Variants in RBFOX1 observed in about 807,000 individuals in gnomAD.
RBFOX1 encodes RNA binding protein fox-1 homolog 1.
Under a neutral mutation model 57.7 loss-of-function variants are expected in RBFOX1, and 8 were observed. The observed-to-expected ratio is 0.14, with a 90% confidence interval of 0.08 to 0.25. The LOEUF is 0.25. Ranked by LOEUF, RBFOX1 falls within the 10% of genes least tolerant of loss-of-function variation. The pLI, the probability that RBFOX1 is intolerant of heterozygous loss-of-function variation, is 1.00. For synonymous variants in RBFOX1, 326 were observed against 222.4 expected (o/e 1.47, Z -4.15); for missense variants, 611 against 548.5 (o/e 1.11, Z -1.14).
At chr16:5,292,702 C>G (rs1298137529) in intron 1 of RBFOX1, among the ~76,000 whole-genome samples, 1 of 152,068 alleles carries the variant, frequency 6.6e-6, no homozygotes, top group Non-Finnish European at 1.5e-5. Flanking sequence ...CGGCTCACTG[C>G]AACCTCTGCC....
intron 2 of RBFOX1, among the ~76,000 whole-genome samples, chr16:6,579,017 A>T (rs1192463861): frequency 6.6e-6 from 1 of 152,010 alleles, no homozygotes; most frequent in Non-Finnish European, 1.5e-5. Context: ...ACCAAACACC[A>T]CCTGTTTTCC....
intron 3 of RBFOX1, among the ~76,000 whole-genome samples, chr16:7,049,227 C>T (rs1432494552): frequency 6.6e-6 from 1 of 152,104 alleles, no homozygotes; most frequent in South Asian, 2.1e-4. Context: ...TTTTTCTGTT[C>T]ACCTGCTTCT....
chr16:6,165,750 G>T (rs1230214506), intron 1 of RBFOX1, among the ~76,000 whole-genome samples: 1 of 152,306 alleles, frequency 6.6e-6, no homozygotes, highest in South Asian at 2.1e-4. Context: ...CCTCATTTTT[G>T]TTCAGCTCCT....
At chr16:6,112,353 C>T (rs1030902839) in intron 1 of RBFOX1, among the ~76,000 whole-genome samples, 1 of 152,100 alleles carries the variant, frequency 6.6e-6, no homozygotes, top group Non-Finnish European at 1.5e-5. Flanking sequence ...CAAAGTTTAC[C>T]TTGACATGTT....
chr16:7,055,982 C>G (rs553064142), intron 4 of RBFOX1, among the ~76,000 whole-genome samples: 21 of 152,182 alleles, frequency 1.4e-4, no homozygotes, highest in Non-Finnish European at 3.1e-4. Context: ...GTCACATCTT[C>G]CATCCTAACC....
intron 2 of RBFOX1, among the ~76,000 whole-genome samples, chr16:6,380,606 G>C (rs2091712514): frequency 6.6e-6 from 1 of 151,758 alleles, no homozygotes; most frequent in African/African-American, 2.4e-5. Context: ...GAAATAAAGA[G>C]CATACTTAGG....
intron 2 of RBFOX1, among the ~76,000 whole-genome samples, chr16:6,542,785 C>G (rs1033167075): frequency 6.6e-6 from 1 of 152,048 alleles, no homozygotes; most frequent in Non-Finnish European, 1.5e-5. Context: ...AACCACTGCG[C>G]CCGGCCGGGA....
intron 3 of RBFOX1, among the ~76,000 whole-genome samples, chr16:6,933,029 A>G (rs1567951012): frequency 6.6e-6 from 1 of 152,234 alleles, no homozygotes; most frequent in African/African-American, 2.4e-5. Flanking sequence ...TTCACTTAGC[A>G]TAATATCCTT....
chr16:5,524,954 A>C (rs570704473), intron 2 of RBFOX1, among the ~76,000 whole-genome samples: 2 of 152,088 alleles, frequency 1.3e-5, no homozygotes, highest in Non-Finnish European at 2.9e-5. Context: ...CACTGGGTGC[A>C]TTTCTAATAA....
intron 14 of RBFOX1, among the ~76,000 whole-genome samples, chr16:7,692,567 A>G (rs935056707): frequency 5.3e-5 from 8 of 152,262 alleles, no homozygotes; most frequent in Admixed American, 3.9e-4. Context: ...AGCCAACCTC[A>G]TTGTGCCATT....
intron 3 of RBFOX1, among the ~76,000 whole-genome samples, chr16:6,801,673 C>A (rs1349865284): frequency 6.6e-6 from 1 of 152,002 alleles, no homozygotes; most frequent in Non-Finnish European, 1.5e-5. Flanking sequence ...CTGAGGGTCA[C>A]ACTGCTATTT....
At chr16:5,507,545 G>A (rs946236032) in intron 2 of RBFOX1, among the ~76,000 whole-genome samples, 10 of 152,150 alleles carry the variant, frequency 6.6e-5, no homozygotes, top group African/African-American at 2.4e-4. Context: ...ATCTGTTGTG[G>A]GTTGAATTGT....
intron 3 of RBFOX1, among the ~76,000 whole-genome samples, chr16:5,802,572 A>C (rs2055095855): frequency 6.6e-6 from 1 of 152,102 alleles, no homozygotes; most frequent in South Asian, 2.1e-4. Flanking sequence ...ACGGGGAGAA[A>C]GTTTTCAGAT....
intron 3 of RBFOX1, among the ~76,000 whole-genome samples, chr16:5,642,346 C>G (rs189646751): frequency 4.6e-5 from 7 of 152,154 alleles, no homozygotes; most frequent in East Asian, 1.9e-4. Flanking sequence ...GCAATCCATG[C>G]GAGATCAAAA....
chr16:6,983,743 G>A (rs2089561755), intron 3 of RBFOX1: 1 of 152,512 alleles, frequency 6.6e-6, no homozygotes, highest in African/African-American at 2.4e-5. Flanking sequence ...TCAGAAGTAT[G>A]TGTGCTGTGA....
At chr16:5,895,876 C>G (rs777179692) in intron 4 of RBFOX1, among the ~76,000 whole-genome samples, 3 of 152,056 alleles carry the variant, frequency 2.0e-5, no homozygotes, top group Non-Finnish European at 4.4e-5. Flanking sequence ...AGGCCAATCA[C>G]AAAATATTAT....
chr16:7,304,244 G>C (rs1038967823), intron 4 of RBFOX1: 3 of 980,322 alleles, frequency 3.1e-6, no homozygotes, highest in Non-Finnish European at 3.6e-6. Context: ...GAGAGAGAGA[G>C]AGACAGCGCG....
intron 3 of RBFOX1, among the ~76,000 whole-genome samples, chr16:7,045,998 A>G (rs2047803024): frequency 6.6e-6 from 1 of 152,124 alleles, no homozygotes; most frequent in South Asian, 2.1e-4. Context: ...CAATGCTATC[A>G]CTATTACTAT....
chr16:5,657,616 CTTT>C (rs2049472634), intron 3 of RBFOX1, among the ~76,000 whole-genome samples: 1 of 41,648 alleles, frequency 2.4e-5, no homozygotes, highest in African/African-American at 9.8e-5. Flanking sequence ...CGCTTTCTTT[CTTT>C]CTCTCTTTCT....
Sources: gnomAD v4.1 joint callset for allele counts (sites outside exome capture counted in the v4.1 genomes callset) on GRCh38, gnomAD v4.1.1 for gene constraint, MANE v1.5 for transcripts, NCBI Gene and HGNC (gene_info 2026-07-23, HGNC 2026-07-21) for gene names.